Variants in PDE4B observed in about 807,000 individuals in gnomAD.
The protein encoded by PDE4B is 3',5'-cyclic-AMP phosphodiesterase 4B.
PDE4B carries 20 observed loss-of-function variants against 82.2 expected under a neutral mutation model. The observed-to-expected ratio is 0.24, with a 90% CI of 0.17 to 0.35. The LOEUF (loss-of-function observed/expected upper bound fraction) is 0.35. Ranked by LOEUF, PDE4B falls within the 10% of genes least tolerant of loss-of-function variation. The pLI, the probability that PDE4B is intolerant of heterozygous loss-of-function variation, is 1.00. For missense variants in PDE4B, 655 were observed against 907.2 expected, an observed-to-expected ratio of 0.72 and a Z score of 3.57; for synonymous variants, 320 against 318.9, an observed-to-expected ratio of 1.00 and a Z score of -0.04.
intron 15 of PDE4B, among the ~76,000 whole-genome samples, chr1:66,368,435 A>T (rs1272910511): frequency 1.3e-5 from 2 of 152,218 alleles, no homozygotes; most frequent in Non-Finnish European, 2.9e-5. Context: ...TCCTCTTTCC[A>T]CAAGTGGAAA....
At chr1:66,105,301 C>G (rs1645324390) in intron 3 of PDE4B, among the ~76,000 whole-genome samples, 1 of 151,098 alleles carries the variant, frequency 6.6e-6, no homozygotes, top group South Asian at 2.1e-4. Context: ...TGATCTATAT[C>G]TCTGTTTTGG....
chr1:65,918,777 A>T lies in PDE4B; in HGVS notation c.223A>T (p.Thr75Ser), dbSNP rs1401114455. Residue 75 changes from threonine (T) to serine (S), a missense_variant, in exon 3 of 17, where the codon ACC becomes TCC. Thr to Ser is a moderately conservative substitution (Grantham distance 58, BLOSUM62 1). This residue lies in a region of PDE4B where 253 missense variants were observed against 275.6 expected (regional missense o/e 0.92). Transcript: ENST00000341517. ...TGAGGGAGATGGTATTTCCAGGCCGACCACACTGCCTTTGACAACGCTTCC... is the reference window on the plus strand; with the variant it reads ...TGAGGGAGATGGTATTTCCAGGCCGTCCACACTGCCTTTGACAACGCTTCC... ...TPEGDGISRP[T>S]TLPLTTLPSI... 2 of 1,614,112 alleles carry T rather than the reference A, an allele frequency of 1.2e-6. No homozygotes were observed. The highest frequency in any genetic ancestry group is 2.2e-5 in the South Asian group (2 of 91,084).
chr1:66,116,914 C>T (rs1004936596), intron 3 of PDE4B, among the ~76,000 whole-genome samples: 2 of 152,158 alleles, frequency 1.3e-5, no homozygotes, highest in African/African-American at 4.8e-5. Context: ...TTTTCAGCTA[C>T]AGCCCCAGGA....
intron 3 of PDE4B, among the ~76,000 whole-genome samples, chr1:65,973,366 A>C (rs540980079): frequency 6.6e-6 from 1 of 152,186 alleles, no homozygotes; most frequent in Non-Finnish European, 1.5e-5. Flanking sequence ...GATTTTTAGA[A>C]GAGACATTTT....
intron 3 of PDE4B, among the ~76,000 whole-genome samples, chr1:66,063,803 G>A (rs1655703696): frequency 6.6e-6 from 1 of 151,886 alleles, no homozygotes; most frequent in Non-Finnish European, 1.5e-5. Flanking sequence ...ATGTCTAAAT[G>A]TGTTCAAATA....
At chr1:65,864,178 C>T (rs994502158) in intron 1 of PDE4B, among the ~76,000 whole-genome samples, 2 of 151,660 alleles carry the variant, frequency 1.3e-5, no homozygotes, top group African/African-American at 2.4e-5. Context: ...GTATGCTTCA[C>T]GAAGTTCTTG....
At chr1:65,874,297 T>A (rs986402970) in intron 1 of PDE4B, among the ~76,000 whole-genome samples, 2 of 152,130 alleles carry the variant, frequency 1.3e-5, no homozygotes, top group South Asian at 2.1e-4. Flanking sequence ...AAGTTGCTGA[T>A]CAGCTTAAGG....
At chr1:66,190,542 C>G (rs1647689150) in intron 3 of PDE4B, among the ~76,000 whole-genome samples, 1 of 152,310 alleles carries the variant, frequency 6.6e-6, no homozygotes. Context: ...GGCGGGCACC[C>G]CTCCCCCAGC....
At chr1:65,922,487 G>T (rs576407549) in intron 3 of PDE4B, among the ~76,000 whole-genome samples, 10 of 152,298 alleles carry the variant, frequency 6.6e-5, no homozygotes, top group African/African-American at 1.9e-4. Flanking sequence ...CTTTAATACT[G>T]ATAAAGTTGA....
chr1:66,306,004 G>A lies in PDE4B; in HGVS notation c.635-26504G>A, dbSNP rs1658248790. On this transcript the variant is annotated intron_variant, in intron 7 of 16. Coordinates refer to ENST00000341517, the MANE Select transcript of PDE4B (RefSeq NM_002600.4). ...GTTTCTGAGTAGGGAGATCCAGCAT[G>A]GGAATCAAGGAAGCCTGATGTAGGC... 4.6e-5 allele frequency among the ~76,000 whole-genome samples: 7 copies of A among 152,188 alleles called. No individual in the cohort carries two copies. The South Asian group carries it at 1.5e-3, about 32-fold the overall frequency.
intron 8 of PDE4B, among the ~76,000 whole-genome samples, chr1:66,346,986 T>C (rs1661439977): frequency 6.6e-6 from 1 of 152,176 alleles, no homozygotes; most frequent in Non-Finnish European, 1.5e-5. Context: ...GTACATATTT[T>C]ATTTCCAGAC....
chr1:66,214,673 G>A (rs982869996), intron 3 of PDE4B, among the ~76,000 whole-genome samples: 11 of 151,988 alleles, frequency 7.2e-5, no homozygotes, highest in African/African-American at 2.7e-4. Flanking sequence ...AGAATCTGTA[G>A]ATCAGAGAGA....
intron 3 of PDE4B, among the ~76,000 whole-genome samples, chr1:66,104,832 G>C: frequency 6.8e-6 from 1 of 147,348 alleles, no homozygotes; most frequent in Non-Finnish European, 1.5e-5. Flanking sequence ...GTAGATTCTG[G>C]ATATTAGCCC....
intron 7 of PDE4B, among the ~76,000 whole-genome samples, chr1:66,282,174 T>C (rs748347371): frequency 1.3e-5 from 2 of 152,206 alleles, no homozygotes; most frequent in African/African-American, 2.4e-5. Context: ...TGTTTTTTTT[T>C]CCTCCAGATT....
At chr1:66,280,541 A>T (rs1216241253) in intron 7 of PDE4B, among the ~76,000 whole-genome samples, 1 of 152,212 alleles carries the variant, frequency 6.6e-6, no homozygotes, top group Non-Finnish European at 1.5e-5. Flanking sequence ...CACAGAGTTG[A>T]GTATGAAACT....
intron 2 of PDE4B, among the ~76,000 whole-genome samples, chr1:65,917,140 G>A (rs1360952490): frequency 6.6e-6 from 1 of 152,018 alleles, no homozygotes; most frequent in Admixed American, 6.5e-5. Flanking sequence ...TCCTCTTTTT[G>A]CTATTGTATC....
chr1:66,016,853 G>A (rs1652807387), intron 3 of PDE4B, among the ~76,000 whole-genome samples: 1 of 152,210 alleles, frequency 6.6e-6, no homozygotes, highest in African/African-American at 2.4e-5. Context: ...AGGAGCAAAA[G>A]GATGCAGCTT....
chr1:66,085,162 C>T (rs1329783835), intron 3 of PDE4B, among the ~76,000 whole-genome samples: 2 of 152,184 alleles, frequency 1.3e-5, no homozygotes, highest in African/African-American at 4.8e-5. Context: ...GTGCCCTACC[C>T]AGGACCTCCT....
chr1:66,365,863 T>C (rs374680723), intron 13 of PDE4B, 97 bp downstream of exon 13: 70 of 643,038 alleles, frequency 1.1e-4, no homozygotes, highest in African/African-American at 1.1e-3. Context: ...ATCACAAGGA[T>C]AATAATGAGG....
Sources: allele counts gnomAD v4.1 joint callset (sites outside exome capture counted in the v4.1 genomes callset), GRCh38; gene constraint gnomAD v4.1.1; regional missense constraint gnomAD v4.1.1; transcripts MANE v1.5; gene names NCBI Gene and HGNC (gene_info 2026-07-23, HGNC 2026-07-21).